EXOC6B: variants seen among roughly 807,000 people sequenced by gnomAD.
EXOC6B encodes the protein exocyst complex component 6B.
In EXOC6B, 54 loss-of-function variants were observed where a neutral mutation model predicts 113.5. That is an observed-to-expected ratio of 0.48 (90% CI 0.38 to 0.60). EXOC6B has a LOEUF of 0.60. Ranked by LOEUF, EXOC6B falls within the 20% of genes least tolerant of loss-of-function variation. The probability of loss-of-function intolerance (pLI) is 0.00; values close to 1 mark genes in which losing one functional copy is unlikely to be tolerated. For synonymous variants in EXOC6B, 357 were observed against 339.0 expected (o/e 1.05, Z -0.58); for missense variants, 797 against 977.5 (o/e 0.82, Z 2.46).
In EXOC6B at chr2:72,641,640, A is replaced by C. The variant is rs1445438866; in HGVS notation, c.670-65972T>G. Among the ~76,000 whole-genome samples the C allele has an allele frequency of 2.0e-5, 3 of 152,240 alleles. 1 individual carries two copies. In the East Asian group the frequency reaches 5.8e-4, roughly 29 times the overall value. On this transcript the variant is annotated intron_variant, in intron 6 of 21. Transcript: ENST00000272427. ...GACCCCACCTCTGGGAGCAGGGCAT[A>C]GCTGAACAAAAGGCAGCAGAAACTT...
At chr2:72,755,102 T>C (rs924714843) in intron 1 of EXOC6B, among the ~76,000 whole-genome samples, 1 of 152,146 alleles carries the variant, frequency 6.6e-6, no homozygotes, top group African/African-American at 2.4e-5. Flanking sequence ...CTGTATAAAT[T>C]TGAACTGGCC....
intron 5 of EXOC6B, among the ~76,000 whole-genome samples, chr2:72,730,575 CAG>C (rs1432460213): frequency 6.5e-4 from 58 of 89,426 alleles, no homozygotes; most frequent in African/African-American, 2.0e-3. Flanking sequence ...GGTAAACAGA[CAG>C]AGACACACAC....
chr2:72,687,353 TTTTTA>T (rs1276848357), intron 6 of EXOC6B, among the ~76,000 whole-genome samples: 1 of 152,214 alleles, frequency 6.6e-6, no homozygotes, highest in Non-Finnish European at 1.5e-5. Context: ...CCGTATTTTA[TTTTTA>T]TGTTTTCTTT....
chr2:72,405,874 G>A (rs1693717372), intron 18 of EXOC6B, among the ~76,000 whole-genome samples: 1 of 152,100 alleles, frequency 6.6e-6, no homozygotes, highest in African/African-American at 2.4e-5. Context: ...AATGTAAATG[G>A]GCTAAATGCT....
At chr2:72,755,880 G>A (rs1682382475) in intron 1 of EXOC6B, among the ~76,000 whole-genome samples, 1 of 152,084 alleles carries the variant, frequency 6.6e-6, no homozygotes, top group African/African-American at 2.4e-5. Context: ...CTTCCAGGTG[G>A]AAATTTTTTA....
rs149968090 is a variant in EXOC6B at position 72,351,511 on chromosome 2, A to G, written c.2123-16491T>C. On this transcript the variant is annotated intron_variant, in intron 19 of 21. Transcript: ENST00000272427. ...ATCTGGTTTACACCACCCTACTTCC[A>G]CTAAAAGTACTCTTTCTTTGGCTTC... Among the ~76,000 whole-genome samples the G allele has an allele frequency of 4.9e-3, 745 of 152,236 alleles. 9 individuals carry two copies. The highest frequency in any genetic ancestry group is 0.017 in the African/African-American group (692 of 41,550).
At chr2:72,249,140 C>T (rs111465217) in intron 20 of EXOC6B, among the ~76,000 whole-genome samples, 2,494 of 152,260 alleles carry the variant, frequency 0.016, 60 homozygotes, top group African/African-American at 0.056. Context: ...GTGTAATATG[C>T]CTGCAGTCCC....
intron 18 of EXOC6B, among the ~76,000 whole-genome samples, chr2:72,428,539 T>G (rs906040009): frequency 2.6e-5 from 4 of 152,158 alleles, no homozygotes; most frequent in African/African-American, 9.7e-5. Context: ...GACCCCATGC[T>G]CGCTCATACA....
chr2:72,798,246 A>G lies in EXOC6B; in HGVS notation c.113+27552T>C, dbSNP rs1447707833. 2.0e-5 allele frequency among the ~76,000 whole-genome samples: 3 copies of G among 152,202 alleles called. No individual in the cohort carries two copies. The East Asian group carries it at 5.8e-4, about 29-fold the overall frequency. On this transcript the variant is annotated intron_variant, in intron 1 of 21. Transcript: ENST00000272427. ...CTCTTGCAAAAGACAAACATAAAAA[A>G]TGAGAATTCATTCTGTGTAACTCTA...
intron 6 of EXOC6B, among the ~76,000 whole-genome samples, chr2:72,649,184 T>G (rs969474907): frequency 6.6e-6 from 1 of 152,000 alleles, no homozygotes; most frequent in South Asian, 2.1e-4. Context: ...GATAATAGAA[T>G]GATGTTTACC....
At chr2:72,769,858 C>A (rs1558987816) in intron 1 of EXOC6B, among the ~76,000 whole-genome samples, 2 of 151,770 alleles carry the variant, frequency 1.3e-5, no homozygotes, top group East Asian at 3.9e-4. Context: ...CAATAGACAG[C>A]CAAAAATAAT....
chr2:72,782,435 T>C (rs1054613895), intron 1 of EXOC6B, among the ~76,000 whole-genome samples: 2 of 152,192 alleles, frequency 1.3e-5, no homozygotes, highest in African/African-American at 4.8e-5. Context: ...TGGGAAAATG[T>C]GTGATATTTT....
chr2:72,807,531 T>C (rs1193527924), intron 1 of EXOC6B, among the ~76,000 whole-genome samples: 3 of 152,096 alleles, frequency 2.0e-5, no homozygotes, highest in Admixed American at 6.6e-5. Flanking sequence ...TATGAGTTTA[T>C]GGAACCAAAC....
intron 18 of EXOC6B, among the ~76,000 whole-genome samples, chr2:72,461,273 G>T (rs1188226159): frequency 6.7e-6 from 1 of 149,446 alleles, no homozygotes; most frequent in Non-Finnish European, 1.5e-5. Context: ...ACGAGTTAAT[G>T]AGTGCAGCAC....
At chr2:72,347,158 C>T (rs1394665846) in intron 19 of EXOC6B, among the ~76,000 whole-genome samples, 3 of 152,070 alleles carry the variant, frequency 2.0e-5, no homozygotes, top group Non-Finnish European at 2.9e-5. Flanking sequence ...AAATGCTTCA[C>T]AATTTTTCAA....
chr2:72,817,283 C>T (rs1686303041), intron 1 of EXOC6B, among the ~76,000 whole-genome samples: 1 of 152,174 alleles, frequency 6.6e-6, no homozygotes, highest in Non-Finnish European at 1.5e-5. Flanking sequence ...TTTTAGATTA[C>T]ACTTCTGACT....
chr2:72,643,555 G>T lies in EXOC6B; in HGVS notation c.670-67887C>A, dbSNP rs1306177313. Among the ~76,000 whole-genome samples, 297 of 144,790 alleles carry T rather than the reference G, an allele frequency of 2.1e-3. 3 individuals are homozygous for T. The highest frequency in any genetic ancestry group is 6.5e-3 in the African/African-American group (254 of 38,878). The allele number at this position is 144,790 out of a possible 152,430, so 95.0% of individuals were successfully genotyped here. A position where few individuals can be genotyped will look rare whatever the true frequency, so the allele number is the denominator to read the frequency against. On this transcript the variant is annotated intron_variant, in intron 6 of 21. Transcript: ENST00000272427. The stretch of plus-strand genomic sequence containing the variant: ...GCATATTCTCACTCATAGGTGGGAA[G>T]TGAACAATGAGAACACATGGACACA...
At chr2:72,191,083 C>A (rs1195674550) in intron 20 of EXOC6B, among the ~76,000 whole-genome samples, 1 of 152,042 alleles carries the variant, frequency 6.6e-6, no homozygotes, top group Non-Finnish European at 1.5e-5. Flanking sequence ...ACTTTATAAG[C>A]TATATAGGTT....
intron 19 of EXOC6B, among the ~76,000 whole-genome samples, chr2:72,363,239 ACTTCCAT>A (rs1342870723): frequency 1.3e-5 from 2 of 152,104 alleles, no homozygotes; most frequent in Non-Finnish European, 2.9e-5. Context: ...ATTTCAAGTG[ACTTCCAT>A]CTTAGAGTTA....
Sources: allele counts gnomAD v4.1 joint callset (sites outside exome capture counted in the v4.1 genomes callset), GRCh38; gene constraint gnomAD v4.1.1; transcripts MANE v1.5; gene names NCBI Gene and HGNC (gene_info 2026-07-23, HGNC 2026-07-21).